Variants in ABCC1 observed in about 807,000 individuals in gnomAD.
ABCC1 encodes the protein multidrug resistance-associated protein 1.
Under a neutral mutation model 172.9 loss-of-function variants are expected in ABCC1, and 83 were observed. The ratio of observed to expected loss-of-function variants is 0.48; its 90% confidence interval spans 0.40 to 0.58. The LOEUF is 0.58. ABCC1 is among the 20% of genes least tolerant of loss of function. The probability of loss-of-function intolerance (pLI) is 0.00; values close to 1 mark genes in which losing one functional copy is unlikely to be tolerated. For synonymous variants in ABCC1, 937 were observed against 825.2 expected (o/e 1.14, Z -2.32); for missense variants, 1,817 against 2,002.7 (o/e 0.91, Z 1.77).
chr16:16,078,527 C>T (rs1048880421), intron 15 of ABCC1, among the ~76,000 whole-genome samples: 1 of 152,176 alleles, frequency 6.6e-6, no homozygotes, highest in Non-Finnish European at 1.5e-5. Flanking sequence ...CCTTCCAGGG[C>T]ATATTTCAAG....
intron 21 of ABCC1, among the ~76,000 whole-genome samples, chr16:16,110,002 C>G (rs954363221): frequency 2.0e-5 from 3 of 152,164 alleles, no homozygotes; most frequent in African/African-American, 7.2e-5. Flanking sequence ...GCCACCAGTG[C>G]CTTCTCTCAG....
intron 14 of ABCC1, among the ~76,000 whole-genome samples, chr16:16,075,633 G>A (rs35624): frequency 0.8 from 121,552 of 152,106 alleles, 48,727 homozygotes; most frequent in Non-Finnish European, 0.83. Context: ...CCTGTCTCAG[G>A]AGAAGACAGA....
At chr16:15,956,430 C>T (rs1413761512) in intron 1 of ABCC1, among the ~76,000 whole-genome samples, 2 of 151,522 alleles carry the variant, frequency 1.3e-5, no homozygotes, top group Non-Finnish European at 2.9e-5. Context: ...AAAAGTTTAA[C>T]TACTAACAGC....
intron 26 of ABCC1, among the ~76,000 whole-genome samples, chr16:16,130,256 C>G (rs1036443268): frequency 6.6e-6 from 1 of 152,156 alleles, no homozygotes; most frequent in Non-Finnish European, 1.5e-5. Flanking sequence ...GGTGGGCAGC[C>G]AGGGTAACTC....
chr16:16,117,318 C>T (rs2044932418), intron 23 of ABCC1, among the ~76,000 whole-genome samples: 1 of 152,166 alleles, frequency 6.6e-6, no homozygotes, highest in Non-Finnish European at 1.5e-5. Flanking sequence ...ATAAAACCAT[C>T]AGATCTTGTG....
intron 3 of ABCC1, among the ~76,000 whole-genome samples, chr16:16,013,477 G>A (rs113774659): frequency 0.089 from 13,467 of 151,872 alleles, 659 homozygotes; most frequent in African/African-American, 0.11. Flanking sequence ...CACCATGTTG[G>A]CCAGGCTGGT....
At chr16:16,129,266 G>A (rs1007440253) in intron 26 of ABCC1, among the ~76,000 whole-genome samples, 2 of 152,176 alleles carry the variant, frequency 1.3e-5, no homozygotes, top group Non-Finnish European at 2.9e-5. Flanking sequence ...CTGCCTCTAA[G>A]GGCTGCTGTG....
chr16:16,130,690 T>C (rs1299657301), intron 26 of ABCC1, among the ~76,000 whole-genome samples: 1 of 152,208 alleles, frequency 6.6e-6, no homozygotes, highest in Non-Finnish European at 1.5e-5. Context: ...CTAATGATAG[T>C]TACCTAAAAA....
intron 7 of ABCC1, among the ~76,000 whole-genome samples, chr16:16,037,650 G>A (rs1037460388): frequency 3.9e-5 from 6 of 152,172 alleles, no homozygotes; most frequent in Non-Finnish European, 7.3e-5. Flanking sequence ...AGTTTACTAC[G>A]ATAAACTGTG....
rs923275131 is a variant in ABCC1, at chr16:16,099,568, A to G, written c.2645-3059A>G. On this transcript the variant is annotated intron_variant, in intron 19 of 30. Transcript: ENST00000399410. ...GAATCAAAGGCAGAACTGAGCAAGT[A>G]GGACTCAGGAAATGGGAACTCTGGG... is the stretch of plus-strand genomic sequence containing the variant. Among the ~76,000 whole-genome samples the G allele has an allele frequency of 2.0e-5, 3 of 152,240 alleles. No homozygotes were observed. The East Asian group carries it at 5.8e-4, about 29-fold the overall frequency.
intron 1 of ABCC1, among the ~76,000 whole-genome samples, chr16:16,003,132 A>G: frequency 6.6e-6 from 1 of 152,286 alleles, no homozygotes; most frequent in East Asian, 1.9e-4. Context: ...TGGTTGGTGG[A>G]TGGATGGATG....
At chr16:16,072,456 C>T (rs2050386748) in intron 14 of ABCC1, among the ~76,000 whole-genome samples, 1 of 148,366 alleles carries the variant, frequency 6.7e-6, no homozygotes, top group African/African-American at 2.5e-5. Flanking sequence ...AAGTGCTGGG[C>T]TTATAGGCAT....
chr16:15,997,257 A>AT, intron 1 of ABCC1, among the ~76,000 whole-genome samples: 1 of 151,942 alleles, frequency 6.6e-6, no homozygotes. Flanking sequence ...CGCCTGGTGA[A>AT]TTTTTTTGTA....
chr16:15,997,204 G>A (rs1325470188), intron 1 of ABCC1, among the ~76,000 whole-genome samples: 4 of 150,456 alleles, frequency 2.7e-5, no homozygotes, highest in Non-Finnish European at 4.4e-5. Flanking sequence ...CGATTCTCCT[G>A]TCTCAGCCTC....
chr16:16,115,280 C>T (rs1480700671), intron 23 of ABCC1, among the ~76,000 whole-genome samples: 1 of 152,138 alleles, frequency 6.6e-6, no homozygotes, highest in Non-Finnish European at 1.5e-5. Flanking sequence ...CAGTTTTTTC[C>T]TAAGTTTTAC....
chr16:16,112,776 G>C (rs2044679653), intron 22 of ABCC1, among the ~76,000 whole-genome samples: 1 of 152,230 alleles, frequency 6.6e-6, no homozygotes, highest in Non-Finnish European at 1.5e-5. Flanking sequence ...GGATAGTCTT[G>C]ACACATTTGA....
Position 16,033,152 on chromosome 16 carries a change from C to T in ABCC1, c.659C>T (p.Thr220Ile). ...ESSASFLSRI[T>I]FWWITGLIVR... ...AGCGCTTCCTTCCTGTCGAGGATCA[C>T]CTTCTGGTGGATCACAGGGTAAGGC... The change falls in exon 6 of 31, where the codon ACC becomes ATC. Residue 220 changes from threonine to isoleucine, a missense_variant. By Grantham distance (89) the Thr-to-Ile change is moderately conservative. This residue lies in a region of ABCC1 where 398 missense variants were observed against 384.2 expected (regional missense o/e 1.04). Transcript: ENST00000399410. 6.2e-7 allele frequency: 1 copy of T among 1,614,198 alleles called. No individual in the cohort carries two copies. The highest frequency in any genetic ancestry group is 8.5e-7 in the Non-Finnish European group (1 of 1,180,038).
chr16:15,987,355 G>T (rs1200552595), intron 1 of ABCC1, among the ~76,000 whole-genome samples: 1 of 152,196 alleles, frequency 6.6e-6, no homozygotes. Context: ...GTATTACAGG[G>T]TGAGGAGCTG....
At chr16:16,112,913 A>G (rs750475221) in intron 22 of ABCC1, among the ~76,000 whole-genome samples, 2 of 152,248 alleles carry the variant, frequency 1.3e-5, no homozygotes, top group Non-Finnish European at 2.9e-5. Context: ...AGGAGGTCCC[A>G]TAGCTGGTAA....
Sources: gnomAD v4.1 joint callset for allele counts (sites outside exome capture counted in the v4.1 genomes callset) on GRCh38, gnomAD v4.1.1 for gene constraint, gnomAD v4.1.1 regional missense constraint, MANE v1.5 for transcripts, NCBI Gene and HGNC (gene_info 2026-07-23, HGNC 2026-07-21) for gene names.